HLA-B: variants seen among roughly 807,000 people sequenced by gnomAD.
HLA-B encodes major histocompatibility complex, class I, B.
Under a neutral mutation model 41.5 loss-of-function variants are expected in HLA-B, and 31 were observed. The observed-to-expected ratio is 0.75, with a 90% CI of 0.56 to 1.01. The LOEUF (loss-of-function observed/expected upper bound fraction) is 1.01. Ranked by LOEUF, HLA-B falls within the 50% of genes least tolerant of loss-of-function variation. The probability of loss-of-function intolerance (pLI) is 0.00; values close to 1 mark genes in which losing one functional copy is unlikely to be tolerated. For missense variants in HLA-B, 369 were observed against 457.2 expected, an observed-to-expected ratio of 0.81 and a Z score of 1.76; for synonymous variants, 138 against 189.0, an observed-to-expected ratio of 0.73 and a Z score of 2.21.
At position 31,354,107 on chromosome 6, in the gene HLA-B, T is replaced by A. The variant is rs1043923656; in HGVS notation, c.*194A>T. 2 of 460,634 alleles carry A rather than the reference T, an allele frequency of 4.3e-6. No homozygotes were observed. The highest frequency in any genetic ancestry group is 2.2e-5 in the South Asian group (1 of 46,224). The allele number at this position is 460,634 out of a possible 1,614,324, so 28.5% of individuals were successfully genotyped here. On this transcript the variant is annotated 3_prime_UTR_variant, in exon 8 of 8. Transcript: ENST00000412585. ...AAGATGACTGGGGAGGAAACACAGG[T>A]CAGCATGGGAACAGGGGTCACAGTG...
chr6:31,356,726 AG>A lies in HLA-B; in HGVS notation c.304del (p.Leu102CysfsTer49). The A allele has an allele frequency of 8.4e-7, 1 of 1,187,426 alleles. No individual in the cohort carries two copies. Among genetic ancestry groups the A allele is most frequent in the Non-Finnish European group, 1.1e-6 (1 of 906,156 alleles). The allele number at this position is 1,187,426 out of a possible 1,614,324, so 73.6% of individuals were successfully genotyped here. A position where few individuals can be genotyped will look rare whatever the true frequency, so the allele number is the denominator to read the frequency against. Reference sequence around the variant, plus strand: ...GTTGTAGTAGCCGCGCAGGTTCCGCAGGCTCTCTCGGTCAGTCTGTGCCTGG... The same window carrying A: ...GTTGTAGTAGCCGCGCAGGTTCCGCAGCTCTCTCGGTCAGTCTGTGCCTGG... ...KAQAQTDRES[L>X]RNLRGYYNQS... On this transcript the variant is annotated frameshift_variant, in exon 2 of 8. Coordinates refer to ENST00000412585, the MANE Select transcript of HLA-B (RefSeq NM_005514.8). LOFTEE classifies it high-confidence loss of function.
At chr6:31,355,869 G>A (rs1159481111) in intron 3 of HLA-B, 1 of 628,160 alleles carries the variant, frequency 1.6e-6, no homozygotes, top group Non-Finnish European at 2.9e-6. Context: ...CTGAGTGTGA[G>A]GCAGAGAACA....
intron 3 of HLA-B, 28 bp downstream of exon 3, chr6:31,356,138 TG>T: frequency 1.5e-6 from 2 of 1,312,520 alleles, no homozygotes; most frequent in Non-Finnish European, 9.9e-7. Flanking sequence ...CTATAGGAGA[TG>T]GGGAAGGCTC....
Position 31,357,131 on chromosome 6 carries a change from G to A in HLA-B, c.28C>T (p.Leu10Phe), listed in dbSNP as rs749523872. Reference protein sequence around the residue: MLVMAPRTVLLLLSAALALT... With the variant: MLVMAPRTVFLLLSAALALT... ...GCCAGGGCCGCCGAGAGCAGCAGGA[G>A]GACGGTTCGGGGCGCCATGACCAGC... The change falls in exon 1 of 8, where the codon CTC (leucine) becomes TTC (phenylalanine). Residue 10 changes from leucine to phenylalanine, a missense_variant. Around this residue, in one of 6 missense-constraint regions of HLA-B, gnomAD observed 30 missense variants for 20.9 expected, o/e 1.44. Transcript: ENST00000412585. 4 of 889,002 alleles carry A rather than the reference G, an allele frequency of 4.5e-6. 1 individual carries two copies. The highest frequency in any genetic ancestry group is 2.9e-6 in the Non-Finnish European group (2 of 689,370). 55.1% of individuals were successfully genotyped at this position (889,002 alleles called of 1,614,324 possible). A position where few individuals can be genotyped will look rare whatever the true frequency, so the allele number is the denominator to read the frequency against.
At chr6:31,354,376 G>A (rs1167839022) in intron 7 of HLA-B, 80 bp from the exon 8 acceptor site, 15 of 459,484 alleles carry the variant, frequency 3.3e-5, no homozygotes, top group African/African-American at 2.1e-4. Flanking sequence ...CCACACACGC[G>A]AAACATCCCA....
Position 31,354,079 on chromosome 6 carries a change from A to G in HLA-B, c.*222T>C, listed in dbSNP as rs2768. 86,395 of 384,988 alleles carry G rather than the reference A, an allele frequency of 0.22. 9,141 individuals carry two copies. Among genetic ancestry groups the G allele is most frequent in the East Asian group, 0.28 (6,169 of 22,246 alleles). 23.8% of individuals were successfully genotyped at this position (384,988 alleles called of 1,614,324 possible). A position where few individuals can be genotyped will look rare whatever the true frequency, so the allele number is the denominator to read the frequency against. On this transcript the variant is annotated 3_prime_UTR_variant, in exon 8 of 8. Coordinates refer to ENST00000412585, the MANE Select transcript of HLA-B (RefSeq NM_005514.8). ...CATCCAGCCCCACCTCTCTGGAACA[A>G]GAAAGATGACTGGGGAGGAAACACA...
Position 31,356,835 on chromosome 6 carries a change from T to A in HLA-B, c.196A>T (p.Ser66Cys). The change falls in exon 2 of 8, where the codon AGT (serine) becomes TGT (cysteine). Residue 66 changes from serine to cysteine, a missense_variant. Coordinates refer to ENST00000412585, the MANE Select transcript of HLA-B (RefSeq NM_005514.8). ...GGCGCCCGCGGCTCCTCTCTCGGACTCGCGGCGTCGCTGTCGAACCTCACG... is the reference window on the plus strand; with the variant it reads ...GGCGCCCGCGGCTCCTCTCTCGGACACGCGGCGTCGCTGTCGAACCTCACG... ...QFVRFDSDAA[S>C]PREEPRAPWI... 1 of 1,191,190 alleles carries A rather than the reference T, an allele frequency of 8.4e-7. No homozygotes were observed. Among genetic ancestry groups the A allele is most frequent in the Non-Finnish European group, 1.1e-6 (1 of 895,596 alleles). 73.8% of individuals were successfully genotyped at this position (1,191,190 alleles called of 1,614,324 possible).
Position 31,355,194 on chromosome 6 carries a change from C to G in HLA-B, c.925G>C (p.Val309Leu), listed in dbSNP as rs41273028. ...ACAGCCAGGCCAGCAACAATGCCCA[C>G]GATGGGGACGGTGGACTGGGAAGAC... ...EPSSQSTVPI[V>L]GIVAGLAVLA... is the part of the protein sequence containing the mutation. Residue 309 changes from valine to leucine, a missense_variant, in exon 5 of 8, where the codon GTG (valine) becomes CTG (leucine). This residue lies in a region of HLA-B where 115 missense variants were observed against 78.7 expected (regional missense o/e 1.46). Transcript: ENST00000412585. 2 of 1,212,570 alleles carry G rather than the reference C, an allele frequency of 1.6e-6. No homozygotes were observed. The highest frequency in any genetic ancestry group is 2.8e-5 in the African/African-American group (1 of 35,300). The allele number at this position is 1,212,570 out of a possible 1,614,324, so 75.1% of individuals were successfully genotyped here.
chr6:31,354,496 G>A lies in HLA-B; in HGVS notation c.1076C>T (p.Ser359Phe). ...CSDSAQGSDV[S>F]LTA ...AATCTCACCTTTTCAAGCTGTGAGAGACACATCAGAGCCCTGGGCACTGTC... is the reference window on the plus strand; with the variant it reads ...AATCTCACCTTTTCAAGCTGTGAGAAACACATCAGAGCCCTGGGCACTGTC... Residue 359 changes from serine to phenylalanine, a missense_variant, in exon 7 of 8, where the codon TCT becomes TTT. By Grantham distance (155) the Ser-to-Phe change is radical. Transcript: ENST00000412585. The A allele has an allele frequency of 7.6e-7, 1 of 1,320,624 alleles. No individual in the cohort carries two copies. The highest frequency in any genetic ancestry group is 9.9e-7 in the Non-Finnish European group (1 of 1,006,084). 81.8% of individuals were successfully genotyped at this position (1,320,624 alleles called of 1,614,324 possible). A position where few individuals can be genotyped will look rare whatever the true frequency, so the allele number is the denominator to read the frequency against.
At position 31,356,182 on chromosome 6, in the gene HLA-B, T is replaced by C; in HGVS notation, c.604A>G (p.Lys202Glu). 2 of 1,015,536 alleles carry C rather than the reference T, an allele frequency of 2.0e-6. No individual in the cohort carries two copies. Among genetic ancestry groups the C allele is most frequent in the Non-Finnish European group, 2.6e-6 (2 of 756,006 alleles). The allele number at this position is 1,015,536 out of a possible 1,614,324, so 62.9% of individuals were successfully genotyped here. The change falls in exon 3 of 8, where the codon AAG (lysine) becomes GAG (glutamate). Residue 202 changes from lysine (K) to glutamate (E), a missense_variant. Lys to Glu is a moderately conservative substitution (Grantham distance 56, BLOSUM62 1). This residue lies in a region of HLA-B where 76 missense variants were observed against 62.4 expected (regional missense o/e 1.22). Transcript: ENST00000412585. ...CCCCTGGTACCAGCGCGCTCCAGCT[T>C]GTCCTTCCCGTTCTCCAGGTATCTG... ...LRRYLENGKD[K>E]LERADPPKTH... is the part of the protein sequence containing the mutation.
intron 5 of HLA-B, 182 bp from the exon 6 acceptor site, chr6:31,354,847 G>T: frequency 2.6e-6 from 1 of 391,668 alleles, no homozygotes; most frequent in Non-Finnish European, 4.3e-6. Context: ...CCTAAGGTCT[G>T]TCCTTAGCAG....
At chr6:31,354,703 A>AGTCAGGGCCATGCGATCTT in intron 5 of HLA-B, 38 bp from the exon 6 acceptor site, 1 of 1,091,718 alleles carries the variant, frequency 9.2e-7, no homozygotes, top group Non-Finnish European at 1.3e-6. Flanking sequence ...CACTGGGAGG[A>AGTCAGGGCCATGCGATCTT]AGCAGGGCCA....
At position 31,356,747 on chromosome 6, in the gene HLA-B, GCC is replaced by G. The variant is rs750527298; in HGVS notation, c.282_283del (p.Gln94HisfsTer4). The G allele has an allele frequency of 0.62, 601,392 of 968,846 alleles. 261,513 individuals are homozygous for G. The highest frequency in any genetic ancestry group is 0.79 in the Admixed American group (27,074 of 34,258). The allele number at this position is 968,846 out of a possible 1,614,324, so 60.0% of individuals were successfully genotyped here. A position where few individuals can be genotyped will look rare whatever the true frequency, so the allele number is the denominator to read the frequency against. The stretch of plus-strand genomic sequence containing the variant: ...CCGCAGGCTCTCTCGGTCAGTCTGT[GCC>G]TGGGCCTTGTAGATCTGTGTGTTCC... On this transcript the variant is annotated frameshift_variant, in exon 2 of 8. Coordinates refer to ENST00000412585, the MANE Select transcript of HLA-B (RefSeq NM_005514.8). LOFTEE classifies it high-confidence loss of function.
chr6:31,355,264 A>C, intron 4 of HLA-B, 41 bp from the exon 5 acceptor site: 4 of 1,133,898 alleles, frequency 3.5e-6, no homozygotes, highest in African/African-American at 2.9e-5. Flanking sequence ...GACCCTGCTG[A>C]AGGGCTCCTG....
chr6:31,356,231 C>T lies in HLA-B; in HGVS notation c.555G>A (p.Glu185=), dbSNP rs41557818. 1.2e-5 allele frequency: 15 copies of T among 1,242,178 alleles called. No homozygotes were observed. The highest frequency in any genetic ancestry group is 5.1e-5 in the Admixed American group (2 of 39,470). The allele number at this position is 1,242,178 out of a possible 1,614,324, so 76.9% of individuals were successfully genotyped here. A position where few individuals can be genotyped will look rare whatever the true frequency, so the allele number is the denominator to read the frequency against. Residue 185 remains glutamate (E), a synonymous_variant, in exon 3 of 8, where the codon GAG becomes GAA. Transcript: ENST00000412585. ...REAEQRRAYL[E]GECVEWLRRY... is the part of the protein sequence containing the mutation. Reference sequence around the variant, plus strand: ...TGCGGAGCCACTCCACGCACTCGCCCTCCAGGTAGGCTCTCCGCTGCTCCG... The same window carrying T: ...TGCGGAGCCACTCCACGCACTCGCCTTCCAGGTAGGCTCTCCGCTGCTCCG...
chr6:31,356,600 G>A lies in HLA-B; in HGVS notation c.343+88C>T, dbSNP rs1241195792. On this transcript the variant is annotated intron_variant, in intron 2 of 7. Transcript: ENST00000412585. ...GCGGGTCCCGCGGCCTCAGGGAGGC[G>A]GATCTCGGACCCGGAGACTCGGGGC... The A allele has an allele frequency of 1.3e-5, 14 of 1,102,758 alleles. 2 individuals carry two copies. Among genetic ancestry groups the A allele is most frequent in the Non-Finnish European group, 1.7e-5 (13 of 786,102 alleles). The allele number at this position is 1,102,758 out of a possible 1,614,324, so 68.3% of individuals were successfully genotyped here.
Position 31,354,533 on chromosome 6 carries a change from T to A in HLA-B, c.1046-7A>T. ...CCCTGGGCACTGTCGCTGCCTGGAG[T>A]AGAACAAAAACAGGACCTGGTCAGA... On this transcript the variant is annotated splice_region_variant and splice_polypyrimidine_tract_variant and intron_variant, in intron 6 of 7. Coordinates refer to ENST00000412585, the MANE Select transcript of HLA-B (RefSeq NM_005514.8). The A allele has an allele frequency of 3.0e-6, 4 of 1,331,330 alleles. No homozygotes were observed. Among genetic ancestry groups the A allele is most frequent in the East Asian group, 3.3e-5 (1 of 30,426 alleles). The allele number at this position is 1,331,330 out of a possible 1,614,324, so 82.5% of individuals were successfully genotyped here.
In HLA-B at chr6:31,354,143, T is replaced by A. The variant is rs770267712; in HGVS notation, c.*158A>T. On this transcript the variant is annotated 3_prime_UTR_variant, in exon 8 of 8. Transcript: ENST00000412585. ...ACAGGGGTCACAGTGGACACAAGGG[T>A]GGGCTGTCTCTCCACCTCCTCACAT... 27 of 492,074 alleles carry A rather than the reference T, an allele frequency of 5.5e-5. No individual in the cohort carries two copies. Among genetic ancestry groups the A allele is most frequent in the East Asian group, 2.3e-4 (6 of 25,802 alleles). 30.5% of individuals were successfully genotyped at this position (492,074 alleles called of 1,614,324 possible).
rs565793170 is a variant in HLA-B at position 31,354,003 on chromosome 6, G to A, written c.*298C>T. On this transcript the variant is annotated 3_prime_UTR_variant, in exon 8 of 8. Coordinates refer to ENST00000412585, the MANE Select transcript of HLA-B (RefSeq NM_005514.8). ...TATTCAGATTCTTATTTTCAGTAGGGAAGTAAGAAGTTGCAGCTCAGTGCA... is the reference window on the plus strand; with the variant it reads ...TATTCAGATTCTTATTTTCAGTAGGAAAGTAAGAAGTTGCAGCTCAGTGCA... 3.7e-5 allele frequency: 13 copies of A among 351,018 alleles called. No homozygotes were observed. Among genetic ancestry groups the A allele is most frequent in the African/African-American group, 2.1e-4 (10 of 48,216 alleles). 21.7% of individuals were successfully genotyped at this position (351,018 alleles called of 1,614,324 possible). A position where few individuals can be genotyped will look rare whatever the true frequency, so the allele number is the denominator to read the frequency against.
Sources: allele counts gnomAD v4.1 joint callset, GRCh38; gene constraint gnomAD v4.1.1; regional missense constraint gnomAD v4.1.1; transcripts MANE v1.5; gene names NCBI Gene and HGNC (gene_info 2026-07-23, HGNC 2026-07-21).